The following FAM81A variants were observed in gnomAD, a reference collection of about 807,000 sequenced individuals.
The protein encoded by FAM81A is family with sequence similarity 81 member A, also known as protein FAM81A.
In FAM81A, 19 loss-of-function variants were observed where a neutral mutation model predicts 46.7. That is an observed-to-expected ratio of 0.41 (90% CI 0.28 to 0.60). The LOEUF (loss-of-function observed/expected upper bound fraction) is 0.60, where lower values mean the gene tolerates loss of function less well. Among genes scored for constraint, FAM81A ranks in the 20% least tolerant of loss-of-function variants. The probability of loss-of-function intolerance (pLI) is 0.34; values close to 1 mark genes in which losing one functional copy is unlikely to be tolerated. For missense variants in FAM81A, 377 were observed against 453.5 expected, an observed-to-expected ratio of 0.83 and a Z score of 1.53; for synonymous variants, 183 against 152.9, an observed-to-expected ratio of 1.20 and a Z score of -1.45.
rs1489818419 is a variant in FAM81A, at chr15:59,522,302, C to G, written c.*924C>G. On this transcript the variant is annotated 3_prime_UTR_variant, in exon 9 of 9. Coordinates refer to ENST00000288228, the MANE Select transcript of FAM81A (RefSeq NM_152450.3). ...TTTTTGTGCCTTGGTTTTATCATGT[C>G]AATGCACTGTACTCTGTAAAAGTTT... is the stretch of plus-strand genomic sequence containing the variant. 6.6e-6 allele frequency: 1 copy of G among 152,568 alleles called. No homozygotes were observed. The highest frequency in any genetic ancestry group is 1.5e-5 in the Non-Finnish European group (1 of 68,006). The allele number at this position is 152,568 out of a possible 1,614,324, so 9.5% of individuals were successfully genotyped here.
upstream of FAM81A, among the ~76,000 whole-genome samples, chr15:59,437,642 TCACCTG>T (rs1263457163): frequency 4.6e-5 from 7 of 152,112 alleles, no homozygotes; most frequent in Admixed American, 4.6e-4. Flanking sequence ...GAGGGTTCGT[TCACCTG>T]CACAGGTGGG....
intron 2 of FAM81A, among the ~76,000 whole-genome samples, chr15:59,419,342 A>G (rs2081160657): frequency 6.6e-6 from 1 of 152,192 alleles, no homozygotes; most frequent in South Asian, 2.1e-4. Context: ...AATAACTCTC[A>G]CTTTTGTGCC....
intron 3 of FAM81A, among the ~76,000 whole-genome samples, chr15:59,490,200 G>A (rs1319491892): frequency 2.6e-5 from 4 of 151,770 alleles, no homozygotes; most frequent in African/African-American, 9.7e-5. Context: ...GGACATTGGA[G>A]TGGGCAAAGA....
chr15:59,484,327 C>T (rs1380950796), intron 3 of FAM81A, among the ~76,000 whole-genome samples: 1 of 152,162 alleles, frequency 6.6e-6, no homozygotes, highest in Non-Finnish European at 1.5e-5. Flanking sequence ...AAGCCTCCAC[C>T]AATTGTCCTC....
At chr15:59,433,237 C>T (rs1282194180), upstream of FAM81A, among the ~76,000 whole-genome samples, 1 of 57,404 alleles carries the variant, frequency 1.7e-5, no homozygotes, top group Non-Finnish European at 4.6e-5. Flanking sequence ...GTGGATGGAT[C>T]ATGAGGTCAG....
chr15:59,489,678 A>T (rs2081961695), intron 3 of FAM81A, among the ~76,000 whole-genome samples: 1 of 152,232 alleles, frequency 6.6e-6, no homozygotes. Context: ...ACAGTAACCA[A>T]AACAGCATGG....
chr15:59,426,542 G>A (rs1164362818), intron 2 of FAM81A, among the ~76,000 whole-genome samples: 1 of 152,216 alleles, frequency 6.6e-6, no homozygotes, highest in East Asian at 1.9e-4. Flanking sequence ...AACCCAGGAG[G>A]CAGAGGTTGC....
chr15:59,412,008 C>T (rs1390283286), intron 2 of FAM81A, among the ~76,000 whole-genome samples: 1 of 144,674 alleles, frequency 6.9e-6, no homozygotes, highest in East Asian at 2.0e-4. Flanking sequence ...AAAAAAAAAA[C>T]GGGGGATGAG....
intron 3 of FAM81A, among the ~76,000 whole-genome samples, chr15:59,472,478 C>T (rs2081706587): frequency 6.6e-6 from 1 of 152,128 alleles, no homozygotes; most frequent in Admixed American, 6.5e-5. Context: ...GCTGCTTGGA[C>T]CTCAGGAAAT....
intron 5 of FAM81A, 66 bp downstream of exon 5, chr15:59,507,408 T>G: frequency 6.4e-7 from 1 of 1,564,732 alleles, no homozygotes; most frequent in Non-Finnish European, 8.7e-7. Context: ...TAACATGGTG[T>G]TGATTATTTC....
At chr15:59,517,465 C>T (rs1197454847) in intron 8 of FAM81A, among the ~76,000 whole-genome samples, 2 of 152,164 alleles carry the variant, frequency 1.3e-5, no homozygotes, top group Non-Finnish European at 2.9e-5. Flanking sequence ...AGACTGATGG[C>T]TTTCGGAGCT....
At chr15:59,484,000 C>G (rs1000889402) in intron 3 of FAM81A, among the ~76,000 whole-genome samples, 3 of 152,174 alleles carry the variant, frequency 2.0e-5, no homozygotes, top group African/African-American at 7.2e-5. Context: ...CACCTGGAGA[C>G]AGGCCCTGTG....
intron 8 of FAM81A, among the ~76,000 whole-genome samples, chr15:59,519,573 C>T (rs535525595): frequency 7.8e-4 from 116 of 149,612 alleles, no homozygotes; most frequent in Admixed American, 2.2e-3. Context: ...CCCTTCCCTT[C>T]CCTTCCCTTC....
chr15:59,481,958 TA>T (rs1440023674), intron 3 of FAM81A, among the ~76,000 whole-genome samples: 1 of 151,842 alleles, frequency 6.6e-6, no homozygotes, highest in Admixed American at 6.6e-5. Flanking sequence ...TTTTGAGGTT[TA>T]AAAAATAGAC....
intron 2 of FAM81A, among the ~76,000 whole-genome samples, chr15:59,425,651 G>A (rs1434600930): frequency 6.6e-6 from 1 of 152,094 alleles, no homozygotes; most frequent in Admixed American, 6.5e-5. Context: ...TTTGAGACAG[G>A]ATCTCACTCT....
chr15:59,509,724 A>T (rs1239687457), intron 6 of FAM81A, among the ~76,000 whole-genome samples: 2 of 152,130 alleles, frequency 1.3e-5, no homozygotes, highest in Non-Finnish European at 2.9e-5. Context: ...CTGAAGAGTG[A>T]ATGGGGCTTT....
Position 59,438,229 on chromosome 15 carries a change from C to T in FAM81A, c.-131C>T, listed in dbSNP as rs2141574699. On this transcript the variant is annotated 5_prime_UTR_variant, in exon 1 of 9. Coordinates refer to ENST00000288228, the MANE Select transcript of FAM81A (RefSeq NM_152450.3). The stretch of plus-strand genomic sequence containing the variant: ...CAGCCAGCGCCAGCGGCCGCCGCAC[C>T]CAGCCGCGCCGGCGAGGACATGGGC... 6.7e-6 allele frequency: 1 copy of T among 148,496 alleles called. No homozygotes were observed. The highest frequency in any genetic ancestry group is 1.5e-5 in the Non-Finnish European group (1 of 66,678). The allele number at this position is 148,496 out of a possible 1,614,324, so 9.2% of individuals were successfully genotyped here.
chr15:59,460,834 C>T lies in FAM81A; in HGVS notation c.294+628C>T, dbSNP rs188660171. On this transcript the variant is annotated intron_variant, in intron 3 of 8. Coordinates refer to ENST00000288228, the MANE Select transcript of FAM81A (RefSeq NM_152450.3). This position sits in a 1 kb window ranked among gnomAD's most constrained non-coding sequence, Gnocchi z 4.4. Reference sequence around the variant, plus strand: ...TTTAGGGCTTGGGTTTCCCTCACTACGCAATGTTCATATCTTTCACATGTA... The same window carrying T: ...TTTAGGGCTTGGGTTTCCCTCACTATGCAATGTTCATATCTTTCACATGTA... Among the ~76,000 whole-genome samples the T allele has an allele frequency of 2.5e-3, 386 of 152,274 alleles. No homozygotes were observed. Among genetic ancestry groups the T allele is most frequent in the African/African-American group, 8.8e-3 (367 of 41,552 alleles).
In FAM81A at chr15:59,399,210, G is replaced by A. The variant is rs552013320; in HGVS notation, c.-160-3066G>A. On this transcript the variant is annotated intron_variant, in intron 1 of 4. Transcript: ENST00000558348. ...CAAAAAAGAAGAACAAAAAGAATCAGCCATCATATTCATATAGAGGAAGGG... is the reference window on the plus strand; with the variant it reads ...CAAAAAAGAAGAACAAAAAGAATCAACCATCATATTCATATAGAGGAAGGG... Among the ~76,000 whole-genome samples, 14 of 152,104 alleles carry A rather than the reference G, an allele frequency of 9.2e-5. No individual in the cohort carries two copies. In the East Asian group the frequency reaches 2.5e-3, roughly 27 times the overall value.
Sources: gnomAD v4.1 joint callset for allele counts (sites outside exome capture counted in the v4.1 genomes callset) on GRCh38, gnomAD v4.1.1 for gene constraint, Gnocchi (gnomAD v3.1) non-coding constraint, MANE v1.5 for transcripts, NCBI Gene and HGNC (gene_info 2026-07-23, HGNC 2026-07-21) for gene names.